The following RNF130 variants were observed in gnomAD, a reference collection of about 807,000 sequenced individuals.
RNF130 encodes ring finger protein 130, also known as E3 ubiquitin-protein ligase RNF130.
Under a neutral mutation model 44.6 loss-of-function variants are expected in RNF130, and 21 were observed. The ratio of observed to expected loss-of-function variants is 0.47; its 90% CI spans 0.33 to 0.68. RNF130 has a LOEUF of 0.68. RNF130 is among the 30% of genes least tolerant of loss of function. The pLI is 0.02. For synonymous variants in RNF130, 214 were observed against 210.4 expected, an observed-to-expected ratio of 1.02 and a Z score of -0.15; for missense variants, 479 against 560.6, an observed-to-expected ratio of 0.85 and a Z score of 1.47.
At chr5:180,025,632 A>AT (rs931254251) in intron 2 of RNF130, among the ~76,000 whole-genome samples, 53 of 152,100 alleles carry the variant, frequency 3.5e-4, no homozygotes, top group Non-Finnish European at 6.5e-4. Flanking sequence ...ATAATTATGA[A>AT]TTTTTTTTAA....
At chr5:179,947,458 C>A (rs561618920) in intron 7 of RNF130, among the ~76,000 whole-genome samples, 1 of 152,314 alleles carries the variant, frequency 6.6e-6, no homozygotes, top group East Asian at 1.9e-4. Flanking sequence ...CCACAGCCTG[C>A]CCCTGACACT....
intron 3 of RNF130, among the ~76,000 whole-genome samples, chr5:180,003,699 A>AT (rs902243707): frequency 6.6e-6 from 1 of 152,058 alleles, no homozygotes; most frequent in African/African-American, 2.4e-5. Flanking sequence ...TTTTTTTAAA[A>AT]TTTTTCATTC....
intron 3 of RNF130, among the ~76,000 whole-genome samples, chr5:179,989,119 G>GCAGCAGGAGAGAGAATGAGTGC (rs1763019168): frequency 1.3e-5 from 2 of 152,224 alleles, no homozygotes; most frequent in Non-Finnish European, 2.9e-5. Flanking sequence ...TCTTCACAGG[G>GCAGCAGGAGAGAGAATGAGTGC]CAGCAGGAGA....
chr5:180,040,233 G>T (rs1764375406), intron 2 of RNF130, among the ~76,000 whole-genome samples: 1 of 152,134 alleles, frequency 6.6e-6, no homozygotes, highest in Non-Finnish European at 1.5e-5. Context: ...ATCACAGCCA[G>T]TTATTTAATA....
At chr5:179,994,009 C>G (rs1359646256) in intron 3 of RNF130, among the ~76,000 whole-genome samples, 2 of 152,150 alleles carry the variant, frequency 1.3e-5, no homozygotes, top group Non-Finnish European at 2.9e-5. Flanking sequence ...TTGTTTTTGT[C>G]AGCTTTGTCA....
At chr5:179,936,269 A>T (rs899843280) in intron 7 of RNF130, among the ~76,000 whole-genome samples, 11 of 152,150 alleles carry the variant, frequency 7.2e-5, no homozygotes, top group Admixed American at 3.3e-4. Flanking sequence ...ACAGGTAATT[A>T]AAAAAAATTT....
chr5:179,976,168 A>C (rs2113713941), intron 5 of RNF130, among the ~76,000 whole-genome samples: 1 of 152,330 alleles, frequency 6.6e-6, no homozygotes, highest in Admixed American at 6.5e-5. Flanking sequence ...AAAAATAAAA[A>C]TTATACAAAA....
chr5:180,071,426 A>G (rs1765260498), intron 1 of RNF130, 30 bp downstream of exon 1: 1 of 1,231,534 alleles, frequency 8.1e-7, no homozygotes. Context: ...TGCAGCGACC[A>G]CCGCCCGCCG....
chr5:179,979,584 G>A (rs1345229053), intron 4 of RNF130, among the ~76,000 whole-genome samples: 4 of 151,974 alleles, frequency 2.6e-5, no homozygotes, highest in South Asian at 2.1e-4. Flanking sequence ...TCCTTCTAGC[G>A]GAGAAGCAGG....
chr5:179,991,621 C>G (rs1238179555), intron 3 of RNF130, among the ~76,000 whole-genome samples: 1 of 152,142 alleles, frequency 6.6e-6, no homozygotes, highest in Non-Finnish European at 1.5e-5. Context: ...TCCACTTGAT[C>G]TAGATCAGTG....
intron 1 of RNF130, among the ~76,000 whole-genome samples, chr5:180,069,643 T>A (rs981049879): frequency 9.9e-5 from 15 of 152,194 alleles, no homozygotes; most frequent in Admixed American, 1.3e-4. Context: ...TTTAAACCTG[T>A]CAACAACCTT....
intron 1 of RNF130, among the ~76,000 whole-genome samples, chr5:180,042,137 TGCC>T (rs2113142850): frequency 6.6e-6 from 1 of 152,324 alleles, no homozygotes; most frequent in South Asian, 2.1e-4. Context: ...TGGAAGCACA[TGCC>T]TAGCAAAAGA....
downstream of RNF130, among the ~76,000 whole-genome samples, chr5:179,952,870 T>G (rs949410721): frequency 2.6e-5 from 4 of 152,210 alleles, no homozygotes; most frequent in African/African-American, 9.7e-5. Flanking sequence ...GTCTATAGTC[T>G]TAATAGCTAA....
chr5:179,942,705 CATT>C (rs1761982332), intron 7 of RNF130, among the ~76,000 whole-genome samples: 1 of 152,204 alleles, frequency 6.6e-6, no homozygotes, highest in African/African-American at 2.4e-5. Context: ...AAACTGTAAT[CATT>C]AGAGTACATT....
At chr5:179,950,115 A>T (rs77954316), downstream of RNF130, among the ~76,000 whole-genome samples, 1 of 152,004 alleles carries the variant, frequency 6.6e-6, no homozygotes, top group Non-Finnish European at 1.5e-5. Flanking sequence ...CTTATTAAAT[A>T]ACTTTTTTTT....
At chr5:179,964,476 G>T (rs1484463340) in intron 7 of RNF130, 11 of 152,108 alleles carry the variant, frequency 7.2e-5, no homozygotes, top group Admixed American at 7.2e-4. Context: ...CACTGACTAG[G>T]GCTGTTTTAA....
At position 179,966,787 on chromosome 5, in the gene RNF130, A is replaced by T. The variant is rs760133352; in HGVS notation, c.1150+19T>A. The T allele has an allele frequency of 6.2e-7, 1 of 1,606,786 alleles. No homozygotes were observed. Among genetic ancestry groups the T allele is most frequent in the Non-Finnish European group, 8.5e-7 (1 of 1,176,196 alleles). On this transcript the variant is annotated intron_variant, in intron 7 of 8. Coordinates refer to ENST00000521389, the MANE Select transcript of RNF130 (RefSeq NM_018434.6). The stretch of plus-strand genomic sequence containing the variant: ...TAGGCAGCCACATGCCCTGTGCCTG[A>T]GCGGAGGCCCCCACTTACTTGTTAC...
At chr5:180,066,216 A>G (rs1765104110) in intron 1 of RNF130, among the ~76,000 whole-genome samples, 2 of 152,110 alleles carry the variant, frequency 1.3e-5, no homozygotes, top group Non-Finnish European at 2.9e-5. Context: ...CCCCCATACT[A>G]TTCTCGTGAT....
At position 179,920,038 on chromosome 5, in the gene RNF130, C is replaced by T. The variant is rs575868583; in HGVS notation, c.*279G>A. 75 of 388,662 alleles carry T rather than the reference C, an allele frequency of 1.9e-4. 2 individuals carry two copies. In the South Asian group the frequency reaches 2.9e-3, roughly 15 times the overall value. 24.1% of individuals were successfully genotyped at this position (388,662 alleles called of 1,614,324 possible). On this transcript the variant is annotated 3_prime_UTR_variant, in exon 8 of 8. Transcript: ENST00000522208. The stretch of plus-strand genomic sequence containing the variant: ...TGCAATGCAACATTAATCCTGGGCC[C>T]GGCCTCTTCTCTGGAAACAGCCAGC...
Sources: gnomAD v4.1 joint callset for allele counts (sites outside exome capture counted in the v4.1 genomes callset) on GRCh38, gnomAD v4.1.1 for gene constraint, MANE v1.5 for transcripts, NCBI Gene and HGNC (gene_info 2026-07-23, HGNC 2026-07-21) for gene names.